The following TCF4 variants were observed in gnomAD, a reference collection of about 807,000 sequenced individuals.
TCF4 encodes the protein SL3-3 enhancer factor 2.
TCF4 carries 3 observed loss-of-function variants against 82.1 expected under a neutral mutation model. That is an observed-to-expected ratio of 0.04 (90% CI 0.02 to 0.09). TCF4 has a LOEUF of 0.09. Ranked by LOEUF, TCF4 falls within the 10% of genes least tolerant of loss-of-function variation. The pLI is 1.00. For synonymous variants in TCF4, 276 were observed against 309.6 expected (o/e 0.89, Z 1.14); for missense variants, 518 against 852.7 (o/e 0.61, Z 4.89).
chr18:55,252,325 T>C (rs1249557456), intron 15 of TCF4, among the ~76,000 whole-genome samples: 1 of 151,788 alleles, frequency 6.6e-6, no homozygotes, highest in Non-Finnish European at 1.5e-5. Flanking sequence ...CAGGAACTTA[T>C]CCTTATCAGC....
At chr18:55,444,136 T>A (rs993035801) in intron 5 of TCF4, among the ~76,000 whole-genome samples, 41 of 152,074 alleles carry the variant, frequency 2.7e-4, no homozygotes, top group African/African-American at 9.4e-4. Flanking sequence ...AAAACCAACA[T>A]GAAGAAATCA....
intron 6 of TCF4, among the ~76,000 whole-genome samples, chr18:55,371,920 T>C (rs1005679261): frequency 2.0e-5 from 3 of 152,186 alleles, no homozygotes; most frequent in Admixed American, 6.5e-5. Context: ...ATTTAGCCAA[T>C]GGATTAATGG....
intron 3 of TCF4, among the ~76,000 whole-genome samples, chr18:55,480,832 A>T (rs1840999548): frequency 6.6e-6 from 1 of 152,170 alleles, no homozygotes; most frequent in Non-Finnish European, 1.5e-5. Context: ...GGCCGGGTGC[A>T]GTGGCTCACG....
intron 8 of TCF4, among the ~76,000 whole-genome samples, chr18:55,348,899 A>G (rs1231502375): frequency 6.6e-6 from 1 of 152,152 alleles, no homozygotes; most frequent in Admixed American, 6.5e-5. Context: ...GTCCATATTA[A>G]GTTCAGGCAT....
chr18:55,301,048 G>A (rs774080922), intron 8 of TCF4, among the ~76,000 whole-genome samples: 11 of 152,024 alleles, frequency 7.2e-5, no homozygotes, highest in African/African-American at 2.4e-4. Context: ...GAGAAAGCTC[G>A]TTACCGCTAA....
At chr18:55,531,948 A>T (rs1568330562) in intron 3 of TCF4, among the ~76,000 whole-genome samples, 1 of 152,232 alleles carries the variant, frequency 6.6e-6, no homozygotes, top group Non-Finnish European at 1.5e-5. Flanking sequence ...TCTTGCTTAA[A>T]TACAAAAATA....
chr18:55,556,156 A>AT (rs34112862), intron 3 of TCF4, among the ~76,000 whole-genome samples: 28,148 of 151,444 alleles, frequency 0.19, 2,815 homozygotes, highest in Admixed American at 0.29. Flanking sequence ...TTTCAGTGTG[A>AT]TTTTTTTTTC....
At chr18:55,303,593 T>A (rs1285514840) in intron 8 of TCF4, among the ~76,000 whole-genome samples, 2 of 152,176 alleles carry the variant, frequency 1.3e-5, no homozygotes, top group African/African-American at 4.8e-5. Context: ...TATCATGGAT[T>A]CTGTAATAAT....
At chr18:55,527,374 G>C (rs541437440) in intron 3 of TCF4, among the ~76,000 whole-genome samples, 1 of 152,248 alleles carries the variant, frequency 6.6e-6, no homozygotes, top group African/African-American at 2.4e-5. Flanking sequence ...ACCCATTACT[G>C]TTTCCTCTCC....
chr18:55,626,132 G>C (rs1411284871), intron 2 of TCF4, among the ~76,000 whole-genome samples: 1 of 152,184 alleles, frequency 6.6e-6, no homozygotes, highest in East Asian at 1.9e-4. Context: ...TTAGGGAGAA[G>C]GCAGCATATT....
chr18:55,623,145 T>C (rs1035267490), intron 2 of TCF4, among the ~76,000 whole-genome samples: 18 of 152,180 alleles, frequency 1.2e-4, no homozygotes, highest in Non-Finnish European at 1.3e-4. Flanking sequence ...TCTTTTGTTT[T>C]TTAATAGTGT....
chr18:55,543,378 GC>G (rs2097180248), intron 3 of TCF4, among the ~76,000 whole-genome samples: 1 of 152,036 alleles, frequency 6.6e-6, no homozygotes, highest in Admixed American at 6.6e-5. Context: ...CAAGGCAAGT[GC>G]TCAACAAAGA....
intron 2 of TCF4, among the ~76,000 whole-genome samples, chr18:55,598,710 G>A (rs2097693721): frequency 2.6e-5 from 4 of 152,212 alleles, no homozygotes; most frequent in Admixed American, 2.6e-4. Context: ...GTATAGATTA[G>A]CAGAAAAGCC....
intron 6 of TCF4, among the ~76,000 whole-genome samples, chr18:55,358,960 G>A (rs901301256): frequency 3.9e-5 from 6 of 152,128 alleles, no homozygotes; most frequent in Admixed American, 3.9e-4. Flanking sequence ...TAATTGTAAG[G>A]AGTATATTTA....
chr18:55,236,350 C>T (rs1005616276), intron 15 of TCF4, among the ~76,000 whole-genome samples: 25 of 152,116 alleles, frequency 1.6e-4, no homozygotes, highest in Non-Finnish European at 3.5e-4. Context: ...ACTGATATCT[C>T]CCAAAGAAGC....
intron 3 of TCF4, among the ~76,000 whole-genome samples, chr18:55,480,946 A>G (rs2096413955): frequency 6.6e-6 from 1 of 152,240 alleles, no homozygotes; most frequent in Admixed American, 6.5e-5. Flanking sequence ...TCTACTAAAA[A>G]TACAAAAAAT....
intron 5 of TCF4, among the ~76,000 whole-genome samples, chr18:55,417,039 G>A (rs1481646577): frequency 6.6e-6 from 1 of 152,200 alleles, no homozygotes; most frequent in Non-Finnish European, 1.5e-5. Flanking sequence ...TTCCATGGTA[G>A]GCCATATGGC....
chr18:55,414,795 A>C (rs2094470312), intron 5 of TCF4, among the ~76,000 whole-genome samples: 1 of 152,228 alleles, frequency 6.6e-6, no homozygotes, highest in African/African-American at 2.4e-5. Flanking sequence ...CATACTCTAT[A>C]AACAGCAACT....
chr18:55,355,719 T>G (rs1453744254), intron 6 of TCF4, among the ~76,000 whole-genome samples: 2 of 152,176 alleles, frequency 1.3e-5, no homozygotes, highest in African/African-American at 4.8e-5. Context: ...AAAGAGGACT[T>G]GGGTAACTTA....
Sources: allele counts gnomAD v4.1 joint callset (sites outside exome capture counted in the v4.1 genomes callset), GRCh38; gene constraint gnomAD v4.1.1; transcripts MANE v1.5; gene names NCBI Gene and HGNC (gene_info 2026-07-23, HGNC 2026-07-21).